The following TUSC3 variants were observed in gnomAD, a reference collection of about 807,000 sequenced individuals.
TUSC3 encodes dolichyl-diphosphooligosaccharide--protein glycosyltransferase subunit TUSC3.
In TUSC3, 45 loss-of-function variants were observed where a neutral mutation model predicts 44.8. The observed-to-expected ratio is 1.00, with a 90% CI of 0.79 to 1.29. The LOEUF is 1.29. Among genes scored for constraint, TUSC3 ranks in the 50% most tolerant of loss-of-function variants. The probability of loss-of-function intolerance (pLI) is 0.00; values close to 1 mark genes in which losing one functional copy is unlikely to be tolerated. For synonymous variants in TUSC3, 212 were observed against 152.9 expected, an observed-to-expected ratio of 1.39 and a Z score of -2.85; for missense variants, 519 against 437.9, an observed-to-expected ratio of 1.19 and a Z score of -1.65.
intron 6 of TUSC3, among the ~76,000 whole-genome samples, chr8:15,675,414 T>C (rs1808141507): frequency 1.3e-5 from 1 of 74,738 alleles, no homozygotes; most frequent in African/African-American, 6.1e-5. Flanking sequence ...ATTGTATTCT[T>C]TTTTTTTGGG....
downstream of TUSC3, chr8:15,766,745 T>G (rs561583976): frequency 6.6e-6 from 1 of 152,116 alleles, no homozygotes; most frequent in African/African-American, 2.4e-5. Flanking sequence ...CGACTAGATG[T>G]TGCTGTAACC....
the TUSC3 span, among the ~76,000 whole-genome samples, chr8:15,834,091 T>C: frequency 0.18 from 27,297 of 151,992 alleles, 2,596 homozygotes; most frequent in Admixed American, 0.29. Context: ...CTTATAGTAC[T>C]CTTCCCGACT....
chr8:15,710,081 G>A (rs1358209440), intron 6 of TUSC3, among the ~76,000 whole-genome samples: 1 of 151,400 alleles, frequency 6.6e-6, no homozygotes, highest in African/African-American at 2.4e-5. Flanking sequence ...TTTTACCTTA[G>A]TGCGCTCCCC....
At chr8:15,532,092 G>GT (rs988189086) in intron 2 of TUSC3, among the ~76,000 whole-genome samples, 2 of 151,890 alleles carry the variant, frequency 1.3e-5, no homozygotes, top group Admixed American at 6.6e-5. Context: ...ATGCACCTAA[G>GT]TTTTTTTTCT....
At chr8:15,507,872 G>C (rs1178956634) in intron 2 of TUSC3, among the ~76,000 whole-genome samples, 3 of 152,174 alleles carry the variant, frequency 2.0e-5, no homozygotes, top group Non-Finnish European at 4.4e-5. Flanking sequence ...GGTACAGTCA[G>C]ATGGAAAGGA....
intron 10 of TUSC3, among the ~76,000 whole-genome samples, chr8:15,763,157 C>T (rs1466778233): frequency 6.6e-6 from 1 of 151,468 alleles, no homozygotes; most frequent in African/African-American, 2.4e-5. Context: ...ATGTTTTATA[C>T]TAAAATGTTA....
intron 6 of TUSC3, among the ~76,000 whole-genome samples, chr8:15,700,530 A>G (rs777264073): frequency 6.6e-6 from 1 of 152,194 alleles, no homozygotes; most frequent in Non-Finnish European, 1.5e-5. Flanking sequence ...CAAGTGGAAA[A>G]TAGGACAGAA....
At chr8:15,808,392 A>C in the TUSC3 span, among the ~76,000 whole-genome samples, 2 of 152,186 alleles carry the variant, frequency 1.3e-5, no homozygotes, top group Non-Finnish European at 2.9e-5. Context: ...CTTATGTAAC[A>C]CTTTCTTAAT....
intron 1 of TUSC3, among the ~76,000 whole-genome samples, chr8:15,596,596 G>A (rs1804078116): frequency 6.6e-6 from 1 of 152,122 alleles, no homozygotes; most frequent in South Asian, 2.1e-4. Flanking sequence ...CACACTGTAA[G>A]TTGTAACCTT....
At position 15,650,727 on chromosome 8, in the gene TUSC3, G is replaced by A. The variant is rs755181425; in HGVS notation, c.339G>A (p.Ala113=). The A allele has an allele frequency of 5.2e-5, 84 of 1,613,942 alleles. No individual in the cohort carries two copies. The highest frequency in any genetic ancestry group is 1.5e-4 in the Admixed American group (9 of 59,996). Residue 113 remains alanine (A), a synonymous_variant, in exon 3 of 11, where the codon GCG becomes GCA. Transcript: ENST00000503731. ...RQANEEYQIL[A]NSWRYSSAFC... ...CTAATGAAGAATATCAAATACTGGC[G>A]AACTCCTGGCGCTATTCATCTGCTT...
At chr8:15,471,126 T>TTTC (rs75030628) in intron 1 of TUSC3, among the ~76,000 whole-genome samples, 88,884 of 151,648 alleles carry the variant, frequency 0.59, 26,458 homozygotes, top group African/African-American at 0.69. Flanking sequence ...GGTGCAAACA[T>TTTC]TTCTTTGATT....
At chr8:15,818,820 A>G in the TUSC3 span, among the ~76,000 whole-genome samples, 1 of 152,208 alleles carries the variant, frequency 6.6e-6, no homozygotes, top group Admixed American at 6.5e-5. Flanking sequence ...AAAATCATAC[A>G]TTAGTCATTC....
At chr8:15,733,385 G>GATGT in intron 7 of TUSC3, 1 of 396,530 alleles carries the variant, frequency 2.5e-6, no homozygotes, top group Non-Finnish European at 4.9e-6. Context: ...TTCAATCCAT[G>GATGT]ATGTAGCATC....
chr8:15,481,023 A>C (rs1800652403), intron 1 of TUSC3, among the ~76,000 whole-genome samples: 1 of 152,062 alleles, frequency 6.6e-6, no homozygotes, highest in Non-Finnish European at 1.5e-5. Flanking sequence ...CAAGGTGGGC[A>C]GATCATTTGA....
chr8:15,584,210 C>G (rs1327334040), intron 1 of TUSC3, among the ~76,000 whole-genome samples: 1 of 152,108 alleles, frequency 6.6e-6, no homozygotes, highest in Non-Finnish European at 1.5e-5. Context: ...AATTAGAGAA[C>G]CAATGTGTTG....
intron 2 of TUSC3, among the ~76,000 whole-genome samples, chr8:15,645,976 A>G (rs1363413281): frequency 6.6e-6 from 1 of 152,118 alleles, no homozygotes; most frequent in Non-Finnish European, 1.5e-5. Context: ...CTATGAAACT[A>G]TATTATTCAT....
intron 2 of TUSC3, among the ~76,000 whole-genome samples, chr8:15,504,594 TATATATATATATATATATATATATATA>T (rs1298438807): frequency 2.1e-4 from 4 of 19,330 alleles, no homozygotes; most frequent in East Asian, 1.7e-3. Context: ...TATATATATA[TATATATATATATATATATATATATATA>T]TTTTTTTTTT....
At chr8:15,810,508 C>T in the TUSC3 span, among the ~76,000 whole-genome samples, 3 of 151,780 alleles carry the variant, frequency 2.0e-5, no homozygotes, top group African/African-American at 7.3e-5. Context: ...TGTGGTGGCA[C>T]ACGCCTGTGG....
intron 2 of TUSC3, among the ~76,000 whole-genome samples, chr8:15,625,702 T>A (rs988477666): frequency 6.6e-6 from 1 of 152,202 alleles, no homozygotes; most frequent in African/African-American, 2.4e-5. Flanking sequence ...CTTGGGTCAA[T>A]GTAAAAAATC....
Sources: gnomAD v4.1 joint callset for allele counts (sites outside exome capture counted in the v4.1 genomes callset) on GRCh38, gnomAD v4.1.1 for gene constraint, MANE v1.5 for transcripts, NCBI Gene and HGNC (gene_info 2026-07-23, HGNC 2026-07-21) for gene names.